Variants in BRWD1 observed in about 807,000 individuals in gnomAD.
The protein encoded by BRWD1 is bromodomain and WD repeat domain containing 1.
In BRWD1, 82 loss-of-function variants were observed where a neutral mutation model predicts 251.2. The ratio of observed to expected loss-of-function variants is 0.33; its 90% CI spans 0.27 to 0.39. BRWD1 has a LOEUF of 0.39. BRWD1 is among the 10% of genes least tolerant of loss of function. The pLI is 1.00. For synonymous variants in BRWD1, 918 were observed against 902.8 expected, an observed-to-expected ratio of 1.02 and a Z score of -0.30; for missense variants, 2,233 against 2,711.6, an observed-to-expected ratio of 0.82 and a Z score of 3.92.
intron 27 of BRWD1, 63 bp downstream of exon 27, chr21:39,228,437 A>G: frequency 8.8e-7 from 1 of 1,139,258 alleles, no homozygotes; most frequent in Non-Finnish European, 1.3e-6. Flanking sequence ...ACAGCCAAAA[A>G]GGTAGACCAA....
Position 39,313,632 on chromosome 21 carries a change from T to G in BRWD1, c.-141A>C, listed in dbSNP as rs571332907. 1.6e-3 allele frequency: 914 copies of G among 556,176 alleles called. 4 individuals carry two copies. Among genetic ancestry groups the G allele is most frequent in the South Asian group, 2.6e-3 (48 of 18,706 alleles). The allele number at this position is 556,176 out of a possible 1,614,324, so 34.5% of individuals were successfully genotyped here. A position where few individuals can be genotyped will look rare whatever the true frequency, so the allele number is the denominator to read the frequency against. ...CCGCCGCCATACCGTGCGCGCCGCC[T>G]GGACCGACGCCTCCGCGGGGGAGGA... On this transcript the variant is annotated 5_prime_UTR_variant, in exon 1 of 41. Coordinates refer to ENST00000342449, the MANE Select transcript of BRWD1 (RefSeq NM_033656.4).
chr21:39,249,618 T>C (rs578231924), intron 20 of BRWD1, among the ~76,000 whole-genome samples: 1 of 152,324 alleles, frequency 6.6e-6, no homozygotes, highest in East Asian at 1.9e-4. Context: ...CAAATCAATT[T>C]TCACATGAGT....
At chr21:39,303,957 C>T (rs192924662) in intron 4 of BRWD1, among the ~76,000 whole-genome samples, 137 of 151,456 alleles carry the variant, frequency 9.0e-4, no homozygotes, top group African/African-American at 2.4e-3. Context: ...GCCTGGCCAA[C>T]GTGGTTAAAC....
chr21:39,244,266 G>A (rs1413632036), intron 21 of BRWD1, among the ~76,000 whole-genome samples: 7 of 151,860 alleles, frequency 4.6e-5, no homozygotes, highest in South Asian at 2.1e-4. Flanking sequence ...GGGTTTCACC[G>A]TGTTACCCAG....
chr21:39,297,040 G>A, intron 5 of BRWD1: 1 of 985,264 alleles, frequency 1.0e-6, no homozygotes, highest in Non-Finnish European at 1.2e-6. Flanking sequence ...ATCCTCTACT[G>A]AAGAGCACAT....
chr21:39,309,996 A>G (rs1891443699), intron 4 of BRWD1, among the ~76,000 whole-genome samples: 1 of 152,228 alleles, frequency 6.6e-6, no homozygotes, highest in African/African-American at 2.4e-5. Context: ...ACATTCCAAC[A>G]CATTAACCAG....
chr21:39,305,903 G>A (rs575387356), intron 4 of BRWD1, among the ~76,000 whole-genome samples: 128 of 149,876 alleles, frequency 8.5e-4, no homozygotes, highest in African/African-American at 2.9e-3. Flanking sequence ...GTGTGGCTGC[G>A]CCCTCCTGTA....
chr21:39,190,145 A>G lies in BRWD1; in HGVS notation c.*6114T>C. Reference sequence around the variant, plus strand: ...TTCTAAGATGGTATATGTGGTGAATAGAAACCTGGATACAAACATAACAGT... The same window carrying G: ...TTCTAAGATGGTATATGTGGTGAATGGAAACCTGGATACAAACATAACAGT... On this transcript the variant is annotated 3_prime_UTR_variant, in exon 41 of 41. Transcript: ENST00000342449. 1 of 985,086 alleles carries G rather than the reference A, an allele frequency of 1.0e-6. No individual in the cohort carries two copies. Among genetic ancestry groups the G allele is most frequent in the Non-Finnish European group, 1.2e-6 (1 of 829,608 alleles). The allele number at this position is 985,086 out of a possible 1,614,324, so 61.0% of individuals were successfully genotyped here. A position where few individuals can be genotyped will look rare whatever the true frequency, so the allele number is the denominator to read the frequency against.
chr21:39,280,263 A>G lies in BRWD1; in HGVS notation c.832-15T>C. On this transcript the variant is annotated splice_polypyrimidine_tract_variant and intron_variant, in intron 8 of 40. Transcript: ENST00000342449. ...ATCGGGCTAAACTAAAAAGTAAAAC[A>G]TATACAATTCAGTTTCCAGAACTTC... is the stretch of plus-strand genomic sequence containing the variant. 6 of 1,573,704 alleles carry G rather than the reference A, an allele frequency of 3.8e-6. No homozygotes were observed. The highest frequency in any genetic ancestry group is 5.2e-6 in the Non-Finnish European group (6 of 1,153,174).
chr21:39,197,500 C>T (rs554761230), intron 40 of BRWD1, 85 bp from the exon 41 acceptor site: 97 of 1,165,366 alleles, frequency 8.3e-5, no homozygotes, highest in Non-Finnish European at 1.1e-4. Context: ...GTTCAGAATT[C>T]GTATTAATTT....
At chr21:39,246,853 C>A (rs779636208) in intron 21 of BRWD1, among the ~76,000 whole-genome samples, 6 of 152,170 alleles carry the variant, frequency 3.9e-5, no homozygotes, top group Non-Finnish European at 7.4e-5. Flanking sequence ...GAGGCCGAGG[C>A]AGGTGGATCA....
intron 20 of BRWD1, 132 bp downstream of exon 20, chr21:39,250,664 T>A: frequency 1.6e-6 from 1 of 611,524 alleles, no homozygotes; most frequent in South Asian, 2.6e-5. Context: ...CTATTTTAAA[T>A]CTCAAACAGA....
At chr21:39,302,003 G>A (rs1256067960) in intron 4 of BRWD1, among the ~76,000 whole-genome samples, 3 of 14,030 alleles carry the variant, frequency 2.1e-4, no homozygotes, top group Admixed American at 6.6e-4. Flanking sequence ...TTTTTTTTTT[G>A]AGACAGTCTT....
At chr21:39,260,259 T>C (rs1254589354) in intron 17 of BRWD1, among the ~76,000 whole-genome samples, 4 of 151,332 alleles carry the variant, frequency 2.6e-5, no homozygotes, top group Admixed American at 6.6e-5. Flanking sequence ...AGAAGATTTC[T>C]AATCGGCATA....
In BRWD1 at chr21:39,215,301, C is replaced by T; in HGVS notation, c.3721G>A (p.Glu1241Lys). The T allele has an allele frequency of 3.1e-6, 5 of 1,612,808 alleles. No homozygotes were observed. The highest frequency in any genetic ancestry group is 1.1e-5 in the South Asian group (1 of 91,034). ...YIEHNARTFN[E>K]PESVIARSAK... ...GATCTTGCAATTACACTCTCAGGTT[C>T]GTTAAATGTTCTGGCATTATGTTCT... Residue 1241 changes from glutamate to lysine, a missense_variant, in exon 32 of 41, where the codon GAA (glutamate) becomes AAA (lysine). Physicochemically the swap from Glu to Lys is moderately conservative, Grantham distance 56. Coordinates refer to ENST00000342449, the MANE Select transcript of BRWD1 (RefSeq NM_033656.4).
intron 21 of BRWD1, among the ~76,000 whole-genome samples, 184 bp downstream of exon 21, chr21:39,247,517 G>A (rs1219523257): frequency 2.0e-5 from 3 of 152,138 alleles, no homozygotes; most frequent in African/African-American, 7.2e-5. Flanking sequence ...GATTGCACAA[G>A]TATACAGTAT....
At chr21:39,279,197 T>A (rs1349721705) in intron 9 of BRWD1, among the ~76,000 whole-genome samples, 4 of 152,230 alleles carry the variant, frequency 2.6e-5, no homozygotes, top group African/African-American at 9.6e-5. Flanking sequence ...TACTTTCATA[T>A]TAAGTCTTTG....
chr21:39,200,375 C>A lies in BRWD1; in HGVS notation c.4597G>T (p.Glu1533Ter). The change falls in exon 39 of 41, where the codon GAA becomes TAA. Residue 1533 changes from glutamate to a stop codon, truncating the protein, a stop_gained. Coordinates refer to ENST00000342449, the MANE Select transcript of BRWD1 (RefSeq NM_033656.4). LOFTEE classifies it high-confidence loss of function. ...NGSTLSESEV[E>*]DSLATSLSSS... ...GACAAAGAGGTAGCTAAAGAATCTT[C>A]CACTTCACTTTCTAGGAAAAATAAA... is the stretch of plus-strand genomic sequence containing the variant. 1 of 1,611,430 alleles carries A rather than the reference C, an allele frequency of 6.2e-7. No individual in the cohort carries two copies. Among genetic ancestry groups the A allele is most frequent in the South Asian group, 1.1e-5 (1 of 90,544 alleles).
In BRWD1 at chr21:39,194,548, A is replaced by T. The variant is rs556385059; in HGVS notation, c.*1711T>A. On this transcript the variant is annotated 3_prime_UTR_variant, in exon 41 of 41. Transcript: ENST00000342449. ...AGCTCTCTAAGCCACAAATGAGAGG[A>T]GGTTTCCCACCTATCTCAGTTGATA... 15 of 1,442,760 alleles carry T rather than the reference A, an allele frequency of 1.0e-5. No homozygotes were observed. The highest frequency in any genetic ancestry group is 3.0e-5 in the South Asian group (2 of 67,268). 89.4% of individuals were successfully genotyped at this position (1,442,760 alleles called of 1,614,324 possible). A position where few individuals can be genotyped will look rare whatever the true frequency, so the allele number is the denominator to read the frequency against.
Sources: allele counts gnomAD v4.1 joint callset (sites outside exome capture counted in the v4.1 genomes callset), GRCh38; gene constraint gnomAD v4.1.1; transcripts MANE v1.5; gene names NCBI Gene and HGNC (gene_info 2026-07-23, HGNC 2026-07-21).